Variants in P3H1 observed in about 807,000 individuals in gnomAD.
P3H1 encodes prolyl 3-hydroxylase 1.
P3H1 carries 69 observed loss-of-function variants against 84.0 expected under a neutral mutation model. The observed-to-expected ratio is 0.82, with a 90% CI of 0.68 to 1.00. The LOEUF is 1.00. Ranked by LOEUF, P3H1 falls within the 50% of genes least tolerant of loss-of-function variation. The pLI is 0.00. For missense variants in P3H1, 878 were observed against 962.8 expected, an observed-to-expected ratio of 0.91 and a Z score of 1.17; for synonymous variants, 366 against 388.8, an observed-to-expected ratio of 0.94 and a Z score of 0.69.
chr1:42,757,199 G>A (rs1652446642), intron 5 of P3H1, among the ~76,000 whole-genome samples: 1 of 152,202 alleles, frequency 6.6e-6, no homozygotes, highest in Non-Finnish European at 1.5e-5. Flanking sequence ...AACCCACACA[G>A]GAGGGGCAGC....
intron 1 of P3H1, among the ~76,000 whole-genome samples, chr1:42,764,423 C>CAAAAAAAA (rs769981372): frequency 4.9e-4 from 41 of 84,498 alleles, no homozygotes; most frequent in Non-Finnish European, 7.1e-4. Context: ...GACTCCATCT[C>CAAAAAAAA]AAAAAAAAAA....
At chr1:42,764,441 A>AGAAAG (rs34645875) in intron 1 of P3H1, among the ~76,000 whole-genome samples, 3 of 136,220 alleles carry the variant, frequency 2.2e-5, no homozygotes, top group Admixed American at 1.6e-4. Flanking sequence ...AAAAAAAAAA[A>AGAAAG]AAAGAAAGAA....
chr1:42,766,487 G>A lies in P3H1; in HGVS notation c.465+20C>T. ...CTCCCCAGAAGGACCCCGGCCGCCT[G>A]GTTCCAGGCAGGTCTGCACCTTGAA... On this transcript the variant is annotated intron_variant, in intron 1 of 14. Coordinates refer to ENST00000296388, the MANE Select transcript of P3H1 (RefSeq NM_022356.4). 3 of 1,585,456 alleles carry A rather than the reference G, an allele frequency of 1.9e-6. No homozygotes were observed. Among genetic ancestry groups the A allele is most frequent in the South Asian group, 2.3e-5 (2 of 87,124 alleles).
Position 42,747,037 on chromosome 1 carries a change from C to G in P3H1, c.2056-185G>C, listed in dbSNP as rs144115781. 178 of 1,614,076 alleles carry G rather than the reference C, an allele frequency of 1.1e-4. 1 individual carries two copies. Among genetic ancestry groups the G allele is most frequent in the Admixed American group, 1.7e-4 (10 of 60,006 alleles). On this transcript the variant is annotated intron_variant, in intron 14 of 14. Transcript: ENST00000296388. ...GGGCCCAAGGAGGGAACCAAGAACT[C>G]AGCATCGCTCCCTGTCTTGACCTCT...
chr1:42,761,977 C>A, intron 2 of P3H1: 2 of 237,228 alleles, frequency 8.4e-6, no homozygotes, highest in South Asian at 5.4e-5. Context: ...AAAAATAGGG[C>A]AAAATATAAA....
rs1557565431 is a variant in P3H1 at position 42,752,308 on chromosome 1, T to C, written c.1535A>G (p.Lys512Arg). The change falls in exon 10 of 15, where the codon AAG becomes AGG. Residue 512 changes from lysine to arginine, a missense_variant. Lys to Arg is a conservative substitution (Grantham distance 26). Transcript: ENST00000296388. ...TTTGAAGACAGTGACACCATAGAAC[T>C]TTTCATTGGGAGTATGTGGGGAGGT... ...GQTSPHTPNE[K>R]FYGVTVFKAL... is the part of the protein sequence containing the mutation. The C allele has an allele frequency of 6.2e-7, 1 of 1,614,028 alleles. No homozygotes were observed. The highest frequency in any genetic ancestry group is 8.5e-7 in the Non-Finnish European group (1 of 1,179,988).
intron 10 of P3H1, among the ~76,000 whole-genome samples, chr1:42,750,797 C>T (rs1322145019): frequency 9.5e-5 from 14 of 146,600 alleles, no homozygotes; most frequent in South Asian, 2.2e-4. Context: ...CCCGGCCAGC[C>T]GCCCCGTCCG....
Position 42,766,740 on chromosome 1 carries a change from G to A in P3H1, c.232C>T (p.Gln78Ter), listed in dbSNP as rs1330779100. The A allele has an allele frequency of 6.3e-7, 1 of 1,577,984 alleles. No homozygotes were observed. The highest frequency in any genetic ancestry group is 8.6e-7 in the Non-Finnish European group (1 of 1,163,070). The stretch of plus-strand genomic sequence containing the variant: ...TCCCACGGGAAGTCGGCGGCACACT[G>A]GGTGCGGCAGCGCAGGCGAAGGGCG... ...LRALRLRCRT[Q>*]CAADFPWELD... Residue 78 changes from glutamine (Q) to a stop codon, truncating the protein, a stop_gained, in exon 1 of 15, where the codon CAG (glutamine) becomes TAG (stop). Transcript: ENST00000296388. LOFTEE classifies it high-confidence loss of function.
In P3H1 at chr1:42,767,019, G is replaced by A. The variant is rs769040984; in HGVS notation, c.-48C>T. 5.7e-6 allele frequency: 9 copies of A among 1,588,010 alleles called. No individual in the cohort carries two copies. Among genetic ancestry groups the A allele is most frequent in the Admixed American group, 5.2e-5 (3 of 57,496 alleles). On this transcript the variant is annotated 5_prime_UTR_variant, in exon 1 of 15. Coordinates refer to ENST00000296388, the MANE Select transcript of P3H1 (RefSeq NM_022356.4). ...CCGCCAGCCACCCGCCACCAAGGCC[G>A]GAGTCCTACCCCCGGCGAAGGCCCG...
chr1:42,754,737 A>T lies in P3H1; in HGVS notation c.1345+132T>A. ...GTGAGTTAGGAAGGATGTCCACTGAACTTGCACCCTAAGGGTGGCTGGCTC... is the reference window on the plus strand; with the variant it reads ...GTGAGTTAGGAAGGATGTCCACTGATCTTGCACCCTAAGGGTGGCTGGCTC... On this transcript the variant is annotated intron_variant, in intron 8 of 14. Coordinates refer to ENST00000296388, the MANE Select transcript of P3H1 (RefSeq NM_022356.4). The surrounding 1 kb of genome is among the most constrained non-coding windows in gnomAD (Gnocchi z 4.0). 1 of 1,149,738 alleles carries T rather than the reference A, an allele frequency of 8.7e-7. No individual in the cohort carries two copies. Among genetic ancestry groups the T allele is most frequent in the Non-Finnish European group, 1.3e-6 (1 of 775,974 alleles). 71.2% of individuals were successfully genotyped at this position (1,149,738 alleles called of 1,614,324 possible).
intron 8 of P3H1, among the ~76,000 whole-genome samples, chr1:42,753,485 A>G (rs1227704381): frequency 1.3e-5 from 2 of 152,190 alleles, no homozygotes; most frequent in African/African-American, 4.8e-5. Context: ...TGTACCAGGA[A>G]CTGTGCCAGA....
Position 42,754,545 on chromosome 1 carries a change from G to C in P3H1, c.1345+324C>G, listed in dbSNP as rs1489804453. ...TTCTTTCTTTTTTTTTAAAGATGAG[G>C]TCTTGCTATATTGCCCAGGCTGGAT... is the stretch of plus-strand genomic sequence containing the variant. On this transcript the variant is annotated intron_variant, in intron 8 of 14. Transcript: ENST00000296388. This position sits in a 1 kb window ranked among gnomAD's most constrained non-coding sequence, Gnocchi z 4.0. 1.3e-5 allele frequency among the ~76,000 whole-genome samples: 2 copies of C among 152,078 alleles called. No homozygotes were observed. Among genetic ancestry groups the C allele is most frequent in the East Asian group, 3.9e-4 (2 of 5,194 alleles).
chr1:42,765,028 C>A (rs1387831649), intron 1 of P3H1, among the ~76,000 whole-genome samples: 1 of 152,172 alleles, frequency 6.6e-6, no homozygotes, highest in Non-Finnish European at 1.5e-5. Flanking sequence ...CTCCTTCTTC[C>A]AAGGCTCATT....
At chr1:42,757,951 A>T in intron 4 of P3H1, 29 bp from the exon 5 acceptor site, 1 of 1,602,658 alleles carries the variant, frequency 6.2e-7, no homozygotes, top group Non-Finnish European at 8.6e-7. Context: ...AATGGCTGAG[A>T]GGAAAGAGTC....
Position 42,755,371 on chromosome 1 carries a change from C to T in P3H1, c.1171-154G>A, listed in dbSNP as rs144904688. On this transcript the variant is annotated intron_variant, in intron 6 of 14. Coordinates refer to ENST00000296388, the MANE Select transcript of P3H1 (RefSeq NM_022356.4). ...GGAGGTTTCCACATCTAAGTCCCTT[C>T]TAGCTGCCCAGTGTTCCCCTTTCAT... Among the ~76,000 whole-genome samples, 1,503 of 152,278 alleles carry T rather than the reference C, an allele frequency of 9.9e-3. 15 individuals are homozygous for T. Among genetic ancestry groups the T allele is most frequent in the Middle Eastern group, 0.058 (17 of 294 alleles).
Position 42,755,004 on chromosome 1 carries a change from C to T in P3H1, c.1224-14G>A, listed in dbSNP as rs368063653. 29 of 1,614,028 alleles carry T rather than the reference C, an allele frequency of 1.8e-5. No homozygotes were observed. The highest frequency in any genetic ancestry group is 1.6e-4 in the Middle Eastern group (1 of 6,084). On this transcript the variant is annotated splice_polypyrimidine_tract_variant and intron_variant, in intron 7 of 14. Transcript: ENST00000296388. ...TCCCGTTCTGACCTATGAGCACAGC[C>T]GCTCTGAGGACTGCATTCCAGGGCC... is the stretch of plus-strand genomic sequence containing the variant.
chr1:42,749,596 T>C (rs985643782), intron 11 of P3H1, among the ~76,000 whole-genome samples: 1 of 152,212 alleles, frequency 6.6e-6, no homozygotes, highest in Admixed American at 6.5e-5. Context: ...AAAATTCCCT[T>C]GAATGTAGCT....
At chr1:42,750,843 A>G (rs562648850) in intron 10 of P3H1, among the ~76,000 whole-genome samples, 8,286 of 138,382 alleles carry the variant, frequency 0.06, 215 homozygotes, top group African/African-American at 0.11. Flanking sequence ...CTGCCCGGCC[A>G]GCCGCCCTAT....
Position 42,758,838 on chromosome 1 carries a change from A to C in P3H1, c.940+14T>G. ...GTTAGCCAGCAGAGAAAGAGGAAGGAAAGTAGGCCTTACTGTTATAGTAGG... is the reference window on the plus strand; with the variant it reads ...GTTAGCCAGCAGAGAAAGAGGAAGGCAAGTAGGCCTTACTGTTATAGTAGG... On this transcript the variant is annotated intron_variant, in intron 4 of 14. Coordinates refer to ENST00000296388, the MANE Select transcript of P3H1 (RefSeq NM_022356.4). 1 of 1,614,078 alleles carries C rather than the reference A, an allele frequency of 6.2e-7. No homozygotes were observed. The highest frequency in any genetic ancestry group is 8.5e-7 in the Non-Finnish European group (1 of 1,179,922).
Sources: allele counts gnomAD v4.1 joint callset (sites outside exome capture counted in the v4.1 genomes callset), GRCh38; gene constraint gnomAD v4.1.1; non-coding constraint Gnocchi (gnomAD v3.1); transcripts MANE v1.5; gene names NCBI Gene and HGNC (gene_info 2026-07-23, HGNC 2026-07-21).